RUNX1T1: variants seen among roughly 807,000 people sequenced by gnomAD.
RUNX1T1 encodes RUNX1 partner transcriptional co-repressor 1, also known as protein CBFA2T1.
Under a neutral mutation model 62.8 loss-of-function variants are expected in RUNX1T1, and 4 were observed. The ratio of observed to expected loss-of-function variants is 0.06; its 90% CI spans 0.03 to 0.15. The LOEUF (loss-of-function observed/expected upper bound fraction) is 0.15. Ranked by LOEUF, RUNX1T1 falls within the 10% of genes least tolerant of loss-of-function variation. RUNX1T1 has a pLI of 1.00. For synonymous variants in RUNX1T1, 291 were observed against 286.0 expected (o/e 1.02, Z -0.18); for missense variants, 508 against 754.3 (o/e 0.67, Z 3.82).
intron 2 of RUNX1T1, among the ~76,000 whole-genome samples, chr8:92,073,497 C>A (rs1054403342): frequency 1.3e-5 from 2 of 152,152 alleles, no homozygotes; most frequent in Non-Finnish European, 2.9e-5. Context: ...GCCGACTGTT[C>A]AGCCATGGAT....
At chr8:92,032,052 C>G (rs966691741) in intron 1 of RUNX1T1, among the ~76,000 whole-genome samples, 4 of 143,380 alleles carry the variant, frequency 2.8e-5, no homozygotes, top group African/African-American at 1.0e-4. Flanking sequence ...AAGATTGCAC[C>G]ACTGCACTCC....
In RUNX1T1 at chr8:91,958,942, G is replaced by C. The variant is rs200325960; in HGVS notation, c.*1300C>G. On this transcript the variant is annotated 3_prime_UTR_variant, in exon 11 of 11. Transcript: ENST00000396218. The stretch of plus-strand genomic sequence containing the variant: ...TTCTTTTCTTGAGGACAACCAAAAA[G>C]AGTCTTTTTTTCCTTTTTTTTTTTT... 3.3e-4 allele frequency: 46 copies of C among 139,508 alleles called. No homozygotes were observed. The East Asian group carries it at 6.1e-3, about 18-fold the overall frequency. The allele number at this position is 139,508 out of a possible 1,614,324, so 8.6% of individuals were successfully genotyped here.
intron 1 of RUNX1T1, among the ~76,000 whole-genome samples, chr8:92,019,980 A>C (rs1425906916): frequency 6.6e-6 from 1 of 152,212 alleles, no homozygotes; most frequent in African/African-American, 2.4e-5. Context: ...TTCTAGCCAG[A>C]ATATATGTAT....
chr8:91,988,853 C>T (rs1457741751), intron 6 of RUNX1T1, among the ~76,000 whole-genome samples: 1 of 152,086 alleles, frequency 6.6e-6, no homozygotes, highest in African/African-American at 2.4e-5. Context: ...ATGTAAGATT[C>T]ATTTGCCGCT....
chr8:92,001,947 T>A (rs1004979814), intron 5 of RUNX1T1, among the ~76,000 whole-genome samples: 4 of 152,226 alleles, frequency 2.6e-5, no homozygotes, highest in Non-Finnish European at 5.9e-5. Context: ...CTTGTGTCTT[T>A]ACGAGTCACC....
chr8:92,005,014 G>T, intron 5 of RUNX1T1, 102 bp downstream of exon 6: 1 of 1,021,956 alleles, frequency 9.8e-7, no homozygotes. Flanking sequence ...TATTGTGCAA[G>T]AATGACATAG....
chr8:92,029,013 G>A (rs1290382747), intron 1 of RUNX1T1, among the ~76,000 whole-genome samples: 2 of 152,212 alleles, frequency 1.3e-5, no homozygotes, highest in African/African-American at 4.8e-5. Context: ...AGCTGCTGCA[G>A]AAAAACGGTA....
chr8:91,999,229 T>G (rs1425455548), intron 5 of RUNX1T1, among the ~76,000 whole-genome samples: 1 of 152,070 alleles, frequency 6.6e-6, no homozygotes, highest in East Asian at 1.9e-4. Flanking sequence ...ACAGAACAAA[T>G]GTGGTATGTG....
intron 1 of RUNX1T1, chr8:92,081,323 T>C: frequency 2.8e-6 from 2 of 714,368 alleles, no homozygotes; most frequent in Non-Finnish European, 3.4e-6. Flanking sequence ...TATTTTAATA[T>C]AATTAAATAT....
chr8:92,095,876 C>T (rs534398869), intron 1 of RUNX1T1, among the ~76,000 whole-genome samples: 6 of 152,304 alleles, frequency 3.9e-5, no homozygotes, highest in Admixed American at 1.3e-4. Flanking sequence ...GGAACATGTT[C>T]GAGATTCTGT....
At chr8:92,032,093 C>CAAAAAAAAAAAAAAAAAA (rs59047751) in intron 1 of RUNX1T1, among the ~76,000 whole-genome samples, 4 of 29,534 alleles carry the variant, frequency 1.4e-4, no homozygotes, top group African/African-American at 3.6e-4. Context: ...AATCCTGTCT[C>CAAAAAAAAAAAAAAAAAA]AAAAAAAAAA....
At chr8:92,074,311 A>G (rs1834104609) in intron 2 of RUNX1T1, among the ~76,000 whole-genome samples, 1 of 152,244 alleles carries the variant, frequency 6.6e-6, no homozygotes, top group South Asian at 2.1e-4. Context: ...CATTGCCAGC[A>G]GGCCACAGAT....
At chr8:92,021,277 A>T (rs1420101983) in intron 1 of RUNX1T1, among the ~76,000 whole-genome samples, 1 of 152,204 alleles carries the variant, frequency 6.6e-6, no homozygotes, top group African/African-American at 2.4e-5. Context: ...ATAGAACTTT[A>T]ATTTTTATTT....
At chr8:92,066,767 T>C (rs1420467408), upstream of RUNX1T1, among the ~76,000 whole-genome samples, 1 of 152,240 alleles carries the variant, frequency 6.6e-6, no homozygotes, top group Non-Finnish European at 1.5e-5. Context: ...AAATGGTTTA[T>C]GTTTTAGTTA....
chr8:92,034,791 C>CATAT (rs145057755), intron 1 of RUNX1T1, among the ~76,000 whole-genome samples: 2 of 115,578 alleles, frequency 1.7e-5, no homozygotes, highest in Admixed American at 9.2e-5. Flanking sequence ...TATATATATA[C>CATAT]ATATATACAC....
exon 6 of RUNX1T1, chr8:91,991,761 G>C: frequency 6.2e-7 from 1 of 1,614,086 alleles, no homozygotes; most frequent in Non-Finnish European, 8.5e-7. Flanking sequence ...GGTAGGGTGA[G>C]GCAGGCCATT....
At chr8:92,098,037 C>T (rs1837867952) in intron 1 of RUNX1T1, among the ~76,000 whole-genome samples, 1 of 152,150 alleles carries the variant, frequency 6.6e-6, no homozygotes, top group Non-Finnish European at 1.5e-5. Flanking sequence ...AATAGGTTAC[C>T]TTCCTATAAA....
intron 7 of RUNX1T1, 26 bp downstream of exon 8, chr8:91,986,861 A>G (rs1016038517): frequency 1.4e-6 from 2 of 1,453,122 alleles, no homozygotes; most frequent in Non-Finnish European, 9.7e-7. Context: ...ACATTTTTTA[A>G]TCCCAAATGA....
At chr8:91,970,536 T>C (rs2130616605) in intron 10 of RUNX1T1, 122 bp downstream of exon 11, 1 of 858,966 alleles carries the variant, frequency 1.2e-6, no homozygotes, top group East Asian at 3.1e-5. Flanking sequence ...ACCTTGACTT[T>C]CCCCACACTG....
Sources: gnomAD v4.1 joint callset for allele counts (sites outside exome capture counted in the v4.1 genomes callset) on GRCh38, gnomAD v4.1.1 for gene constraint, MANE v1.5 for transcripts, NCBI Gene and HGNC (gene_info 2026-07-23, HGNC 2026-07-21) for gene names.